SPATA31H1: variants seen among roughly 807,000 people sequenced by gnomAD.
SPATA31H1 encodes SPATA31 subfamily H member 1.
At chr2:27,559,881 T>A in the SPATA31H1 span, among the ~76,000 whole-genome samples, 1 of 152,108 alleles carries the variant, frequency 6.6e-6, no homozygotes, top group Non-Finnish European at 1.5e-5. Context: ...TTTTTCTTTT[T>A]TTTTGAGATG....
At chr2:27,561,279 C>T in the SPATA31H1 span, among the ~76,000 whole-genome samples, 3 of 152,148 alleles carry the variant, frequency 2.0e-5, no homozygotes, top group Non-Finnish European at 4.4e-5. Flanking sequence ...TTGCCATGAA[C>T]TTTGAGCTAC....
the SPATA31H1 span, chr2:27,572,394 G>C: frequency 3.8e-5 from 15 of 398,248 alleles, no homozygotes; most frequent in Non-Finnish European, 5.3e-5. Context: ...GTTAAATCTT[G>C]GGTCACAATC....
At chr2:27,557,636 AC>A in the SPATA31H1 span, among the ~76,000 whole-genome samples, 9 of 866 alleles carry the variant, frequency 0.01, 1 homozygote, top group African/African-American at 0.019. Flanking sequence ...CGGCTGGCCG[AC>A]CCCCCCCCCC....
the SPATA31H1 span, chr2:27,569,358 T>C: frequency 1.3e-5 from 5 of 398,724 alleles, no homozygotes; most frequent in Non-Finnish European, 2.2e-5. Flanking sequence ...AACTGTGGGG[T>C]TGGCATTGCC....
the SPATA31H1 span, chr2:27,571,841 T>C: frequency 2.5e-6 from 1 of 398,460 alleles, no homozygotes. Context: ...CAGTAAAATT[T>C]GTGAATATAA....
chr2:27,552,057 A>G, the SPATA31H1 span, among the ~76,000 whole-genome samples: 87,338 of 151,604 alleles, frequency 0.58, 26,016 homozygotes, highest in East Asian at 0.85. Flanking sequence ...GTCATGATCC[A>G]CCCGCCTTGG....
At chr2:27,567,196 A>G in the SPATA31H1 span, 2 of 636,512 alleles carry the variant, frequency 3.1e-6, no homozygotes, top group Non-Finnish European at 5.7e-6. Context: ...ACATCAGATC[A>G]TGAGCCAAAT....
chr2:27,541,349 C>T, the SPATA31H1 span, among the ~76,000 whole-genome samples: 1 of 151,284 alleles, frequency 6.6e-6, no homozygotes, highest in African/African-American at 2.4e-5. Flanking sequence ...GCAGCAGTAC[C>T]GTCCAGCTTT....
chr2:27,545,546 C>T, the SPATA31H1 span, among the ~76,000 whole-genome samples: 26 of 151,266 alleles, frequency 1.7e-4, no homozygotes, highest in East Asian at 3.1e-3. Flanking sequence ...CACCTTCTTG[C>T]CAACACTTGG....
At chr2:27,549,799 A>G in the SPATA31H1 span, among the ~76,000 whole-genome samples, 3 of 151,642 alleles carry the variant, frequency 2.0e-5, no homozygotes, top group Non-Finnish European at 4.4e-5. Context: ...ACAGAGCAAG[A>G]CTCCGCCTCA....
At chr2:27,569,812 G>C in the SPATA31H1 span, 1 of 398,894 alleles carries the variant, frequency 2.5e-6, no homozygotes, top group Non-Finnish European at 4.4e-6. Context: ...TCTCAGCCAA[G>C]TGTCAAATCT....
At chr2:27,538,808 G>A in the SPATA31H1 span, among the ~76,000 whole-genome samples, 2 of 151,912 alleles carry the variant, frequency 1.3e-5, no homozygotes, top group Non-Finnish European at 1.5e-5. Context: ...TCCAGCCTGG[G>A]TGACAGAGCG....
chr2:27,578,277 A>G, the SPATA31H1 span: 1 of 1,614,188 alleles, frequency 6.2e-7, no homozygotes, highest in Non-Finnish European at 8.5e-7. Flanking sequence ...TACAAAATTA[A>G]TCACAAAGCC....
At chr2:27,570,478 T>C in the SPATA31H1 span, 1 of 398,922 alleles carries the variant, frequency 2.5e-6, no homozygotes, top group Non-Finnish European at 4.4e-6. Context: ...GTGAATTTTG[T>C]AGAGGTGGTT....
At chr2:27,565,973 A>G in the SPATA31H1 span, 1 of 710,176 alleles carries the variant, frequency 1.4e-6, no homozygotes, top group Non-Finnish European at 2.6e-6. Context: ...TTGCAAAAAG[A>G]GGGGGTTGGA....
At chr2:27,576,499 C>A in the SPATA31H1 span, 1 of 1,161,230 alleles carries the variant, frequency 8.6e-7, no homozygotes, top group Non-Finnish European at 1.2e-6. Flanking sequence ...TCAGGGTTGA[C>A]ATCATGCTTT....
the SPATA31H1 span, chr2:27,573,870 T>C: frequency 2.5e-6 from 1 of 398,484 alleles, no homozygotes; most frequent in African/African-American, 2.1e-5. Context: ...CTTACTACAC[T>C]TGAAAAGCAA....
the SPATA31H1 span, chr2:27,580,480 T>G: frequency 6.2e-7 from 1 of 1,614,150 alleles, no homozygotes; most frequent in Non-Finnish European, 8.5e-7. Context: ...CACAGAAAGT[T>G]CTACACAAAC....
chr2:27,576,128 T>C, the SPATA31H1 span: 1 of 403,154 alleles, frequency 2.5e-6, no homozygotes, highest in Non-Finnish European at 4.4e-6. Flanking sequence ...GTATAGATTC[T>C]ATGGAGTGCA....
Sources: allele counts gnomAD v4.1 joint callset (sites outside exome capture counted in the v4.1 genomes callset), GRCh38; gene constraint gnomAD v4.1.1; transcripts MANE v1.5; gene names NCBI Gene and HGNC (gene_info 2026-07-23, HGNC 2026-07-21).